CUL2: variants seen among roughly 807,000 people sequenced by gnomAD.
CUL2 encodes cullin-2.
CUL2 carries 22 observed loss-of-function variants against 110.2 expected under a neutral mutation model. The ratio of observed to expected loss-of-function variants is 0.20; its 90% CI spans 0.14 to 0.28. The LOEUF is 0.28. Ranked by LOEUF, CUL2 falls within the 10% of genes least tolerant of loss-of-function variation. The probability of loss-of-function intolerance (pLI) is 1.00; values close to 1 mark genes in which losing one functional copy is unlikely to be tolerated. For synonymous variants in CUL2, 279 were observed against 293.2 expected (o/e 0.95, Z 0.49); for missense variants, 631 against 905.5 (o/e 0.70, Z 3.89).
chr10:35,054,090 TTG>T (rs1330305406), intron 5 of CUL2, among the ~76,000 whole-genome samples: 1 of 152,212 alleles, frequency 6.6e-6, no homozygotes, highest in Non-Finnish European at 1.5e-5. Context: ...ATCCATAAAT[TTG>T]TGTTTCCTCT....
At chr10:35,089,695 T>C (rs949013499) in intron 1 of CUL2, among the ~76,000 whole-genome samples, 3 of 152,092 alleles carry the variant, frequency 2.0e-5, no homozygotes, top group Admixed American at 6.6e-5. Flanking sequence ...CACCAGACCC[T>C]AAGGGTTGAG....
Position 35,015,496 on chromosome 10 carries a change from C to T in CUL2, c.1887+696G>A, listed in dbSNP as rs1006736014. Among the ~76,000 whole-genome samples, 4 of 151,990 alleles carry T rather than the reference C, an allele frequency of 2.6e-5. No homozygotes were observed. The East Asian group carries it at 7.7e-4, about 29-fold the overall frequency. On this transcript the variant is annotated intron_variant, in intron 18 of 20. Transcript: ENST00000374749. ...AATAAACTGTAGGCTATTAACTTTA[C>T]AAAAATAAAAACAAAACATTATTTA...
chr10:35,101,125 C>A (rs12767102), intron 1 of CUL2: 2 of 152,060 alleles, frequency 1.3e-5, no homozygotes, highest in African/African-American at 4.8e-5. Flanking sequence ...AATACAGGAA[C>A]CTTATTCAGA....
rs764651797 is a variant in CUL2, at chr10:35,031,384, G to A, written c.1302C>T (p.Phe434=). 39 of 1,606,134 alleles carry A rather than the reference G, an allele frequency of 2.4e-5. 1 individual carries two copies. The South Asian group carries it at 4.3e-4, about 18-fold the overall frequency. Reference sequence around the variant, plus strand: ...AACGTTTTGCCAGCATTCTTGCGTAGAACTACATTTAAAAATATTTTAAAA... The same window carrying A: ...AACGTTTTGCCAGCATTCTTGCGTAAAACTACATTTAAAAATATTTTAAAA... The part of the protein sequence containing the change: ...YIDDKDVFQK[F]YARMLAKRLI... Residue 434 remains phenylalanine (F), a splice_region_variant and synonymous_variant, in exon 14 of 21, where the codon TTC becomes TTT. Transcript: ENST00000374749. The surrounding 1 kb of genome is among the most constrained non-coding windows in gnomAD (Gnocchi z 4.4).
intron 5 of CUL2, among the ~76,000 whole-genome samples, chr10:35,053,303 C>T (rs2086159450): frequency 6.6e-6 from 1 of 152,130 alleles, no homozygotes; most frequent in African/African-American, 2.4e-5. Context: ...ATCTTTTTCT[C>T]TATATCATCT....
chr10:35,108,128 A>C (rs2087485570), intron 1 of CUL2, among the ~76,000 whole-genome samples: 1 of 152,074 alleles, frequency 6.6e-6, no homozygotes, highest in Non-Finnish European at 1.5e-5. Flanking sequence ...CAGGCTGATC[A>C]GTTAAGAGGC....
At chr10:35,100,414 C>T (rs2087360420) in intron 2 of CUL2, among the ~76,000 whole-genome samples, 1 of 151,986 alleles carries the variant, frequency 6.6e-6, no homozygotes, top group Non-Finnish European at 1.5e-5. Flanking sequence ...AGGCATGGCC[C>T]CTATTGCACT....
chr10:35,121,887 GTTT>G (rs2087682856), intron 1 of CUL2, among the ~76,000 whole-genome samples: 1 of 152,050 alleles, frequency 6.6e-6, no homozygotes, highest in South Asian at 2.1e-4. Flanking sequence ...AGGAGCTTGG[GTTT>G]TTATTATAAT....
rs184723459 is a variant in CUL2 at position 35,051,471 on chromosome 10, G to A, written c.424-1706C>T. ...TACTAAAAATACAAAAAATTAGCCGGGCGAGGTGGCGGGCGCCTGTAGTCC... is the reference window on the plus strand; with the variant it reads ...TACTAAAAATACAAAAAATTAGCCGAGCGAGGTGGCGGGCGCCTGTAGTCC... On this transcript the variant is annotated intron_variant, in intron 5 of 20. Transcript: ENST00000374749. 2.3e-3 allele frequency among the ~76,000 whole-genome samples: 350 copies of A among 151,882 alleles called. 4 individuals carry two copies. The East Asian group carries it at 0.033, about 14-fold the overall frequency.
chr10:35,105,296 G>T (rs1301489000), intron 1 of CUL2, among the ~76,000 whole-genome samples: 1 of 151,820 alleles, frequency 6.6e-6, no homozygotes, highest in Non-Finnish European at 1.5e-5. Flanking sequence ...CGTGGTGGCC[G>T]GCGCCTGTAG....
In CUL2 at chr10:35,044,598, G is replaced by T; in HGVS notation, c.682C>A (p.Gln228Lys). Residue 228 changes from glutamine to lysine, a missense_variant, in exon 8 of 21, where the codon CAA becomes AAA. Around this residue, in one of 3 missense-constraint regions of CUL2, gnomAD observed 338 missense variants for 442.5 expected, o/e 0.76. Transcript: ENST00000374749. ...YYKQEASNLL[Q>K]ESNCSQYMEK... is the part of the protein sequence containing the mutation. ...ATATACTGTGAGCAGTTTGATTCTT[G>T]TAATAAATTTGAAGCTTCTTGTTTG... 6.2e-7 allele frequency: 1 copy of T among 1,608,670 alleles called. No individual in the cohort carries two copies.
intron 4 of CUL2, among the ~76,000 whole-genome samples, chr10:35,054,875 A>G (rs1008843825): frequency 6.6e-6 from 1 of 152,178 alleles, no homozygotes; most frequent in Non-Finnish European, 1.5e-5. Flanking sequence ...GAATGGTTAA[A>G]AGATAAAAGT....
chr10:35,049,608 C>CAATT, intron 6 of CUL2, 75 bp downstream of exon 6: 1 of 1,217,714 alleles, frequency 8.2e-7, no homozygotes, highest in Admixed American at 2.0e-5. Flanking sequence ...ACTGGCTCTG[C>CAATT]AATTGTACAC....
intron 8 of CUL2, among the ~76,000 whole-genome samples, chr10:35,043,744 T>C (rs1345247149): frequency 6.6e-6 from 1 of 152,172 alleles, no homozygotes; most frequent in Non-Finnish European, 1.5e-5. Context: ...TAACATATGA[T>C]AACCAATATG....
chr10:35,069,957 C>T (rs955471020), intron 2 of CUL2, among the ~76,000 whole-genome samples: 4 of 152,146 alleles, frequency 2.6e-5, no homozygotes, highest in Non-Finnish European at 4.4e-5. Context: ...AATTAGCTAT[C>T]TAATTCAAAG....
chr10:35,015,690 T>C (rs1303156817), intron 18 of CUL2, among the ~76,000 whole-genome samples: 1 of 152,196 alleles, frequency 6.6e-6, no homozygotes, highest in Non-Finnish European at 1.5e-5. Flanking sequence ...TGGCTTGTTA[T>C]TCTTGTGACA....
intron 2 of CUL2, among the ~76,000 whole-genome samples, chr10:35,095,925 C>A (rs535130749): frequency 4.7e-4 from 71 of 152,272 alleles, no homozygotes; most frequent in Non-Finnish European, 9.0e-4. Context: ...TACTGTACAA[C>A]AGTTTTAACG....
At chr10:35,029,187 A>G (rs2085414088) in intron 15 of CUL2, among the ~76,000 whole-genome samples, 2 of 151,870 alleles carry the variant, frequency 1.3e-5, no homozygotes, top group African/African-American at 4.8e-5. Flanking sequence ...CCTCCCCAGT[A>G]ACTGGGATTA....
intron 2 of CUL2, 142 bp from the exon 3 acceptor site, chr10:35,063,204 G>A: frequency 5.8e-6 from 3 of 518,698 alleles, no homozygotes; most frequent in Non-Finnish European, 1.0e-5. Flanking sequence ...TTGTATATAT[G>A]ACAAGATAGA....
Sources: gnomAD v4.1 joint callset for allele counts (sites outside exome capture counted in the v4.1 genomes callset) on GRCh38, gnomAD v4.1.1 for gene constraint, gnomAD v4.1.1 regional missense constraint, Gnocchi (gnomAD v3.1) non-coding constraint, MANE v1.5 for transcripts, NCBI Gene and HGNC (gene_info 2026-07-23, HGNC 2026-07-21) for gene names.